The following CA10 variants were observed in gnomAD, a reference collection of about 807,000 sequenced individuals.
The protein encoded by CA10 is carbonic anhydrase 10 (inactive).
In CA10, 14 loss-of-function variants were observed where a neutral mutation model predicts 44.2. That is an observed-to-expected ratio of 0.32 (90% CI 0.21 to 0.50). The LOEUF is 0.50. Ranked by LOEUF, CA10 falls within the 20% of genes least tolerant of loss-of-function variation. CA10 has a pLI of 0.99. For synonymous variants in CA10, 159 were observed against 141.6 expected, an observed-to-expected ratio of 1.12 and a Z score of -0.87; for missense variants, 350 against 409.7, an observed-to-expected ratio of 0.85 and a Z score of 1.26.
chr17:52,015,744 T>C (rs1007843574), intron 2 of CA10, among the ~76,000 whole-genome samples: 1 of 152,082 alleles, frequency 6.6e-6, no homozygotes, highest in Admixed American at 6.6e-5. Flanking sequence ...TTTGCAAAAT[T>C]TGCATATAAT....
intron 3 of CA10, among the ~76,000 whole-genome samples, chr17:51,844,262 A>T (rs1203268771): frequency 6.6e-6 from 1 of 152,204 alleles, no homozygotes; most frequent in African/African-American, 2.4e-5. Context: ...AATACTTGAA[A>T]TTTGTAAAAT....
At chr17:51,890,288 G>A (rs1436079224) in intron 3 of CA10, among the ~76,000 whole-genome samples, 1 of 152,190 alleles carries the variant, frequency 6.6e-6, no homozygotes, top group Non-Finnish European at 1.5e-5. Flanking sequence ...GAAACTGAGT[G>A]AAGACTTCAG....
chr17:52,108,194 T>TATATATATATATATATATA (rs1567735876), intron 1 of CA10, among the ~76,000 whole-genome samples: 13 of 57,990 alleles, frequency 2.2e-4, no homozygotes, highest in Non-Finnish European at 2.9e-4. Context: ...TATATATTTT[T>TATATATATATATATATATA]TATATATATA....
chr17:52,104,187 C>A (rs1420228485), intron 1 of CA10, among the ~76,000 whole-genome samples: 1 of 128,572 alleles, frequency 7.8e-6, no homozygotes, highest in Non-Finnish European at 1.9e-5. Flanking sequence ...ACACCTCCTG[C>A]CTTTTTTTTT....
At chr17:51,951,370 C>T (rs186401007) in intron 2 of CA10, among the ~76,000 whole-genome samples, 265 of 152,250 alleles carry the variant, frequency 1.7e-3, no homozygotes, top group Non-Finnish European at 2.9e-3. Context: ...TTGGCTCACT[C>T]ACTTTGTCCC....
At chr17:51,863,454 A>C (rs919462866) in intron 3 of CA10, among the ~76,000 whole-genome samples, 1 of 152,136 alleles carries the variant, frequency 6.6e-6, no homozygotes, top group African/African-American at 2.4e-5. Flanking sequence ...TAGCCTTACC[A>C]TTGCTGGGTG....
At chr17:51,819,304 T>C (rs1907677986) in intron 3 of CA10, among the ~76,000 whole-genome samples, 1 of 152,206 alleles carries the variant, frequency 6.6e-6, no homozygotes, top group Admixed American at 6.5e-5. Flanking sequence ...GCGTTGGTAT[T>C]GGCCACTTGA....
At chr17:51,679,781 G>A (rs997399011) in intron 4 of CA10, among the ~76,000 whole-genome samples, 31 of 152,158 alleles carry the variant, frequency 2.0e-4, no homozygotes, top group African/African-American at 3.4e-4. Context: ...AGGAGATGCC[G>A]TACAGCAGAT....
intron 1 of CA10, among the ~76,000 whole-genome samples, chr17:52,152,778 C>A (rs1291790111): frequency 6.6e-6 from 1 of 151,940 alleles, no homozygotes; most frequent in Non-Finnish European, 1.5e-5. Context: ...TTGCATAATG[C>A]AAAAAATATT....
At chr17:52,084,206 A>G (rs1988056929) in intron 1 of CA10, among the ~76,000 whole-genome samples, 1 of 152,226 alleles carries the variant, frequency 6.6e-6, no homozygotes, top group Admixed American at 6.5e-5. Flanking sequence ...AGAAAGCCCA[A>G]TGCCCGGTAG....
chr17:51,684,560 G>A (rs755439121), intron 4 of CA10, among the ~76,000 whole-genome samples: 2 of 152,188 alleles, frequency 1.3e-5, no homozygotes, highest in African/African-American at 4.8e-5. Flanking sequence ...TGGTTGAAAG[G>A]CATAGCTTAC....
intron 3 of CA10, among the ~76,000 whole-genome samples, chr17:51,839,127 T>G (rs1034969554): frequency 2.6e-5 from 4 of 152,204 alleles, no homozygotes; most frequent in Non-Finnish European, 5.9e-5. Flanking sequence ...TGTTCATTGT[T>G]AAGCAAAAGA....
At chr17:52,099,786 C>A (rs1988494033) in intron 1 of CA10, among the ~76,000 whole-genome samples, 1 of 152,128 alleles carries the variant, frequency 6.6e-6, no homozygotes, top group South Asian at 2.1e-4. Context: ...GAGAAGTGGC[C>A]AGTTAAGTCA....
intron 4 of CA10, among the ~76,000 whole-genome samples, chr17:51,741,645 C>A (rs1186370191): frequency 6.6e-6 from 1 of 152,190 alleles, no homozygotes; most frequent in Non-Finnish European, 1.5e-5. Context: ...TCCACAAACA[C>A]CACTTAAGCA....
intron 3 of CA10, among the ~76,000 whole-genome samples, chr17:51,905,718 T>C (rs377446767): frequency 1.3e-5 from 2 of 151,974 alleles, no homozygotes; most frequent in African/African-American, 4.8e-5. Context: ...AAATCTCAAG[T>C]GTGTTTCACC....
intron 2 of CA10, among the ~76,000 whole-genome samples, chr17:52,071,982 C>A (rs1303915007): frequency 6.6e-6 from 1 of 152,174 alleles, no homozygotes; most frequent in African/African-American, 2.4e-5. Flanking sequence ...AGCTCCATTG[C>A]CATGGTCAGT....
intron 3 of CA10, among the ~76,000 whole-genome samples, chr17:51,771,195 G>A (rs1469923295): frequency 1.4e-5 from 2 of 143,456 alleles, no homozygotes; most frequent in African/African-American, 5.2e-5. Flanking sequence ...TCTTCACCAA[G>A]CCATTCATGA....
At chr17:51,720,839 A>C (rs1296620767) in intron 4 of CA10, among the ~76,000 whole-genome samples, 1 of 144,960 alleles carries the variant, frequency 6.9e-6, no homozygotes, top group Non-Finnish European at 1.5e-5. Context: ...GCTCTGCTCT[A>C]TGGTGACCAC....
At chr17:51,964,643 CA>C (rs1984013332) in intron 2 of CA10, among the ~76,000 whole-genome samples, 1 of 151,612 alleles carries the variant, frequency 6.6e-6, no homozygotes, top group East Asian at 1.9e-4. Flanking sequence ...GGAAATATAA[CA>C]ACTTGCTTCT....
Sources: allele counts gnomAD v4.1 joint callset (sites outside exome capture counted in the v4.1 genomes callset), GRCh38; gene constraint gnomAD v4.1.1; transcripts MANE v1.5; gene names NCBI Gene and HGNC (gene_info 2026-07-23, HGNC 2026-07-21).